The following THSD1 variants were observed in gnomAD, a reference collection of about 807,000 sequenced individuals.
THSD1 encodes the protein thrombospondin type 1 domain containing 1, also known as thrombospondin type-1 domain-containing protein 1.
In THSD1, 34 loss-of-function variants were observed where a neutral mutation model predicts 46.3. The observed-to-expected ratio is 0.74, with a 90% CI of 0.56 to 0.98. THSD1 has a LOEUF of 0.98. Among genes scored for constraint, THSD1 ranks in the 50% least tolerant of loss-of-function variants. THSD1 has a pLI of 0.00. For missense variants in THSD1, 1,023 were observed against 1,058.3 expected, an observed-to-expected ratio of 0.97 and a Z score of 0.46; for synonymous variants, 407 against 416.5, an observed-to-expected ratio of 0.98 and a Z score of 0.28.
intron 2 of THSD1, chr13:52,398,463 A>G: frequency 2.3e-6 from 2 of 868,654 alleles, no homozygotes; most frequent in South Asian, 1.1e-4. Context: ...ACTGGTTTCA[A>G]ACTCTTGGGC....
At position 52,378,073 on chromosome 13, in the gene THSD1, C is replaced by G. The variant is rs369654506; in HGVS notation, c.1897G>C (p.Val633Leu). 1.2e-6 allele frequency: 2 copies of G among 1,614,196 alleles called. No homozygotes were observed. Among genetic ancestry groups the G allele is most frequent in the Non-Finnish European group, 1.7e-6 (2 of 1,180,042 alleles). ...TLIRKSQARH[V>L]GSRGGPSERS... ...TCGGACGGGCCCCCTCTGCTGCCCA[C>G]GTGCCTTGCCTGTGACTTGCGGATC... is the stretch of plus-strand genomic sequence containing the variant. The change falls in exon 5 of 5, where the codon GTG becomes CTG. Residue 633 changes from valine to leucine, a missense_variant. By Grantham distance (32) the Val-to-Leu change is conservative. Around this residue, in one of 3 missense-constraint regions of THSD1, gnomAD observed 578 missense variants for 497.4 expected, o/e 1.16. Coordinates refer to ENST00000258613, the MANE Select transcript of THSD1 (RefSeq NM_018676.4).
intron 3 of THSD1, among the ~76,000 whole-genome samples, chr13:52,395,238 A>G (rs1957802829): frequency 6.6e-6 from 1 of 152,176 alleles, no homozygotes; most frequent in South Asian, 2.1e-4. Context: ...CCAATTAGGA[A>G]TCTGTTCTGA....
rs1957640217 is a variant in THSD1, at chr13:52,377,320, C to T, written c.*91G>A. 1 of 1,416,508 alleles carries T rather than the reference C, an allele frequency of 7.1e-7. No individual in the cohort carries two copies. Among genetic ancestry groups the T allele is most frequent in the Non-Finnish European group, 9.3e-7 (1 of 1,079,070 alleles). 87.7% of individuals were successfully genotyped at this position (1,416,508 alleles called of 1,614,324 possible). ...TCCTCTGTGTGTTACTTCCTCCTCA[C>T]ATTCTGTCCTACGGTACAAATAGTT... On this transcript the variant is annotated 3_prime_UTR_variant, in exon 5 of 5. Transcript: ENST00000258613.
At position 52,377,510 on chromosome 13, in the gene THSD1, A is replaced by G. The variant is rs1307992280; in HGVS notation, c.2460T>C (p.Thr820=). Residue 820 remains threonine (T), a synonymous_variant, in exon 5 of 5, where the codon ACT becomes ACC. Transcript: ENST00000258613. ...AFYDNTSFGL[T]EAEQRMLDLP... is the part of the protein sequence containing the mutation. ...GGTCCAGCATCCTCTGCTCAGCCTC[A>G]GTGAGGCCAAACGACGTATTGTCAT... 1 of 1,596,182 alleles carries G rather than the reference A, an allele frequency of 6.3e-7. No homozygotes were observed. The highest frequency in any genetic ancestry group is 2.3e-5 in the East Asian group (1 of 44,410).
chr13:52,378,812 A>G, intron 4 of THSD1, 23 bp from the exon 5 acceptor site: 2 of 1,538,790 alleles, frequency 1.3e-6, no homozygotes, highest in Non-Finnish European at 1.7e-6. Context: ...ACAAAACAAA[A>G]CAAACAAACA....
At chr13:52,394,293 T>C (rs1340834694) in intron 3 of THSD1, among the ~76,000 whole-genome samples, 2 of 152,150 alleles carry the variant, frequency 1.3e-5, no homozygotes, top group Non-Finnish European at 2.9e-5. Context: ...CAGTTTTTTT[T>C]CCCCATGAAT....
In THSD1 at chr13:52,378,448, C is replaced by A. The variant is rs1957658232; in HGVS notation, c.1522G>T (p.Asp508Tyr). The A allele has an allele frequency of 6.2e-7, 1 of 1,614,188 alleles. No homozygotes were observed. Among genetic ancestry groups the A allele is most frequent in the East Asian group, 2.2e-5 (1 of 44,872 alleles). Residue 508 changes from aspartate (D) to tyrosine (Y), a missense_variant, in exon 5 of 5, where the codon GAT (aspartate) becomes TAT (tyrosine). This residue lies in a region of THSD1 where 578 missense variants were observed against 497.4 expected (regional missense o/e 1.16). Coordinates refer to ENST00000258613, the MANE Select transcript of THSD1 (RefSeq NM_018676.4). ...YRRSGPVPPE[D>Y]DASGSESFQS... ...AAGCTCTCGCTGCCAGAGGCATCAT[C>A]CTCGGGAGGTACCGGCCCGCTCCGC... is the stretch of plus-strand genomic sequence containing the variant.
At position 52,378,098 on chromosome 13, in the gene THSD1, C is replaced by G. The variant is rs1957652564; in HGVS notation, c.1872G>C (p.Leu624=). 1.2e-6 allele frequency: 2 copies of G among 1,614,216 alleles called. No individual in the cohort carries two copies. Among genetic ancestry groups the G allele is most frequent in the Non-Finnish European group, 1.7e-6 (2 of 1,180,046 alleles). The change falls in exon 5 of 5, where the codon CTG becomes CTC. Residue 624 remains leucine (L), a synonymous_variant. Coordinates refer to ENST00000258613, the MANE Select transcript of THSD1 (RefSeq NM_018676.4). Reference sequence around the variant, plus strand: ...CGTGCCTTGCCTGTGACTTGCGGATCAGAGTCTGGCTGGGGCTTATGGCAC... The same window carrying G: ...CGTGCCTTGCCTGTGACTTGCGGATGAGAGTCTGGCTGGGGCTTATGGCAC... The part of the protein sequence containing the change: ...ASCAISPSQT[L]IRKSQARHVG...
At chr13:52,382,499 C>G (rs1484580638) in intron 4 of THSD1, among the ~76,000 whole-genome samples, 1 of 152,210 alleles carries the variant, frequency 6.6e-6, no homozygotes, top group Non-Finnish European at 1.5e-5. Flanking sequence ...CAAGGCCCCT[C>G]AGGATATTAA....
At chr13:52,398,665 C>T in intron 2 of THSD1, 1 of 922,264 alleles carries the variant, frequency 1.1e-6, no homozygotes, top group Non-Finnish European at 1.3e-6. Context: ...GTTCCTTCTT[C>T]ATCTTTCATA....
chr13:52,390,936 A>G (rs1240137756), intron 3 of THSD1, among the ~76,000 whole-genome samples: 2 of 152,168 alleles, frequency 1.3e-5, no homozygotes, highest in Admixed American at 1.3e-4. Flanking sequence ...TTAAAAAAGT[A>G]TATTTGTTAG....
intron 3 of THSD1, among the ~76,000 whole-genome samples, chr13:52,395,894 T>A (rs1288333999): frequency 6.6e-6 from 1 of 152,138 alleles, no homozygotes; most frequent in African/African-American, 2.4e-5. Context: ...CAGGCCACCA[T>A]GATGTAACCT....
chr13:52,398,248 T>C, intron 2 of THSD1, 54 bp from the exon 3 acceptor site: 1 of 1,545,330 alleles, frequency 6.5e-7, no homozygotes, highest in South Asian at 1.3e-5. Context: ...AGAAGAACTA[T>C]TAGTGACATT....
intron 3 of THSD1, among the ~76,000 whole-genome samples, chr13:52,386,841 A>G (rs950057716): frequency 2.0e-5 from 3 of 152,216 alleles, no homozygotes; most frequent in Non-Finnish European, 4.4e-5. Context: ...TATTATCCTA[A>G]GAGCACCAGT....
intron 2 of THSD1, chr13:52,398,459 TTCAAACTCTTGGGC>T: frequency 1.2e-6 from 1 of 852,264 alleles, no homozygotes; most frequent in Non-Finnish European, 1.4e-6. Flanking sequence ...AGAGACTGGT[TTCAAACTCTTGGGC>T]TCAAGCAATC....
chr13:52,388,208 A>G (rs1359639401), intron 3 of THSD1, among the ~76,000 whole-genome samples: 1 of 151,610 alleles, frequency 6.6e-6, no homozygotes, highest in East Asian at 1.9e-4. Flanking sequence ...ATGTATATAT[A>G]TATTTCAAAA....
At chr13:52,383,234 A>G (rs995933387) in intron 4 of THSD1, among the ~76,000 whole-genome samples, 1 of 152,314 alleles carries the variant, frequency 6.6e-6, no homozygotes, top group East Asian at 1.9e-4. Context: ...CATAGTGCTC[A>G]TAAACACTAG....
intron 3 of THSD1, among the ~76,000 whole-genome samples, chr13:52,387,512 C>G (rs1416172573): frequency 6.6e-6 from 1 of 152,142 alleles, no homozygotes; most frequent in African/African-American, 2.4e-5. Flanking sequence ...AGAGCTGACC[C>G]AGATATTAAA....
Position 52,395,670 on chromosome 13 carries a change from CTG to C in THSD1, c.1021+1560_1021+1561del, listed in dbSNP as rs551692529. On this transcript the variant is annotated intron_variant, in intron 3 of 4. Transcript: ENST00000258613. ...CAGTGGAACTGGTGGGCCAAGGAGA[CTG>C]TGAAGAAGCAAGCAGGGAGGTGGGA... 1.5e-4 allele frequency among the ~76,000 whole-genome samples: 23 copies of C among 152,250 alleles called. 1 individual carries two copies. The South Asian group carries it at 3.9e-3, about 26-fold the overall frequency.
Sources: gnomAD v4.1 joint callset for allele counts (sites outside exome capture counted in the v4.1 genomes callset) on GRCh38, gnomAD v4.1.1 for gene constraint, gnomAD v4.1.1 regional missense constraint, MANE v1.5 for transcripts, NCBI Gene and HGNC (gene_info 2026-07-23, HGNC 2026-07-21) for gene names.